Variants in DPYD observed in about 807,000 individuals in gnomAD.
DPYD encodes dihydropyrimidine dehydrogenase [NADP(+)].
DPYD carries 109 observed loss-of-function variants against 116.2 expected under a neutral mutation model. The observed-to-expected ratio is 0.94, with a 90% CI of 0.80 to 1.10. DPYD has a LOEUF of 1.10. Among genes scored for constraint, DPYD ranks in the 50% least tolerant of loss-of-function variants. The probability of loss-of-function intolerance (pLI) is 0.00; values close to 1 mark genes in which losing one functional copy is unlikely to be tolerated. For synonymous variants in DPYD, 440 were observed against 432.0 expected, an observed-to-expected ratio of 1.02 and a Z score of -0.23; for missense variants, 1,302 against 1,254.5, an observed-to-expected ratio of 1.04 and a Z score of -0.57.
At chr1:97,687,224 T>C (rs747760177) in intron 7 of DPYD, among the ~76,000 whole-genome samples, 23 of 152,126 alleles carry the variant, frequency 1.5e-4, no homozygotes, top group East Asian at 3.9e-4. Flanking sequence ...TGAGCCAAGA[T>C]AGTGCCACTG....
At chr1:97,541,890 A>C (rs1650475030) in intron 12 of DPYD, among the ~76,000 whole-genome samples, 1 of 152,208 alleles carries the variant, frequency 6.6e-6, no homozygotes, top group Admixed American at 6.5e-5. Context: ...TGGTAGAAGA[A>C]AATAAATATG....
At chr1:97,323,047 A>G (rs1244156650) in intron 16 of DPYD, 1 of 150,640 alleles carries the variant, frequency 6.6e-6, no homozygotes, top group Non-Finnish European at 1.5e-5. Flanking sequence ...CTCCAATTCA[A>G]TTTTTTTCAA....
At position 97,643,926 on chromosome 1, in the gene DPYD, C is replaced by T. The variant is rs376734973; in HGVS notation, c.850+35169G>A. Among the ~76,000 whole-genome samples the T allele has an allele frequency of 6.6e-5, 10 of 151,862 alleles. No individual in the cohort carries two copies. The East Asian group carries it at 1.9e-3, about 29-fold the overall frequency. ...GGGAGGGGAACATCACACACCAGGGCCTGTCAGGGGTTGGGGGGCTAGGGG... is the reference window on the plus strand; with the variant it reads ...GGGAGGGGAACATCACACACCAGGGTCTGTCAGGGGTTGGGGGGCTAGGGG... On this transcript the variant is annotated intron_variant, in intron 8 of 22. Transcript: ENST00000370192.
intron 19 of DPYD, among the ~76,000 whole-genome samples, chr1:97,194,208 T>C (rs1263933514): frequency 6.6e-6 from 1 of 152,152 alleles, no homozygotes; most frequent in Non-Finnish European, 1.5e-5. Flanking sequence ...GTAGTTCCCA[T>C]AATCCCCACG....
At chr1:97,870,537 C>G (rs1172298038) in intron 2 of DPYD, among the ~76,000 whole-genome samples, 1 of 151,134 alleles carries the variant, frequency 6.6e-6, no homozygotes, top group Non-Finnish European at 1.5e-5. Context: ...CTCTGTGGTC[C>G]CTGATATTCA....
chr1:97,637,955 G>A (rs913406687), intron 8 of DPYD, among the ~76,000 whole-genome samples: 20 of 152,040 alleles, frequency 1.3e-4, no homozygotes, highest in African/African-American at 4.6e-4. Flanking sequence ...AATACGTTGT[G>A]CCCAGCATCA....
At chr1:97,309,901 T>C (rs1667398012) in intron 16 of DPYD, among the ~76,000 whole-genome samples, 1 of 151,772 alleles carries the variant, frequency 6.6e-6, no homozygotes, top group Admixed American at 6.6e-5. Context: ...TGACCCATCC[T>C]GCTGCTTTTG....
intron 16 of DPYD, among the ~76,000 whole-genome samples, chr1:97,367,388 T>C (rs1300226080): frequency 6.6e-6 from 1 of 152,140 alleles, no homozygotes; most frequent in Non-Finnish European, 1.5e-5. Flanking sequence ...GTAATAATCT[T>C]TAAAAATCAA....
intron 16 of DPYD, among the ~76,000 whole-genome samples, chr1:97,367,423 C>T (rs1033368638): frequency 1.3e-5 from 2 of 151,874 alleles, no homozygotes; most frequent in African/African-American, 4.8e-5. Context: ...ACTTTTAAAC[C>T]TTTTATTCTT....
chr1:97,399,555 C>A (rs1386469039), intron 14 of DPYD, among the ~76,000 whole-genome samples: 1 of 152,088 alleles, frequency 6.6e-6, no homozygotes, highest in Non-Finnish European at 1.5e-5. Context: ...GCCATTTTCA[C>A]GATATTTATT....
At chr1:97,109,414 A>G (rs1013648203) in intron 20 of DPYD, among the ~76,000 whole-genome samples, 1 of 152,116 alleles carries the variant, frequency 6.6e-6, no homozygotes, top group African/African-American at 2.4e-5. Flanking sequence ...TACTGCTTTC[A>G]TGGCTAAATG....
chr1:97,456,108 T>C (rs6672633), intron 13 of DPYD, among the ~76,000 whole-genome samples: 5 of 151,886 alleles, frequency 3.3e-5, no homozygotes, highest in African/African-American at 1.2e-4. Flanking sequence ...TCATGACCTA[T>C]ATCCATGGTT....
chr1:97,213,344 A>G (rs1294147380), intron 19 of DPYD, among the ~76,000 whole-genome samples: 1 of 152,190 alleles, frequency 6.6e-6, no homozygotes, highest in Non-Finnish European at 1.5e-5. Context: ...CATACAAGTT[A>G]ACCATGATAA....
At chr1:97,401,773 C>T (rs1156272346) in intron 14 of DPYD, among the ~76,000 whole-genome samples, 1 of 152,054 alleles carries the variant, frequency 6.6e-6, no homozygotes, top group Non-Finnish European at 1.5e-5. Context: ...TTGTGCTTTA[C>T]ATTTAGATGT....
intron 5 of DPYD, among the ~76,000 whole-genome samples, chr1:97,716,921 ATTT>A (rs1408765016): frequency 1.3e-5 from 2 of 151,970 alleles, no homozygotes; most frequent in Non-Finnish European, 2.9e-5. Context: ...AAAAAATTCA[ATTT>A]TTTATTTTTT....
chr1:97,200,062 T>C (rs1403414919), intron 19 of DPYD, among the ~76,000 whole-genome samples: 1 of 152,220 alleles, frequency 6.6e-6, no homozygotes, highest in Non-Finnish European at 1.5e-5. Flanking sequence ...AGAAGAGTTC[T>C]ACAAAAGCAG....
At chr1:97,654,716 A>C (rs998516873) in intron 8 of DPYD, among the ~76,000 whole-genome samples, 3 of 152,172 alleles carry the variant, frequency 2.0e-5, no homozygotes, top group Non-Finnish European at 4.4e-5. Context: ...ATAATTAAAA[A>C]TAACGTGAAA....
At chr1:97,892,267 G>C (rs1471655051) in intron 1 of DPYD, among the ~76,000 whole-genome samples, 1 of 151,684 alleles carries the variant, frequency 6.6e-6, no homozygotes, top group Non-Finnish European at 1.5e-5. Context: ...GCCTTATCCA[G>C]GTAACAATCT....
chr1:97,880,633 T>A (rs1672163610), intron 2 of DPYD, among the ~76,000 whole-genome samples: 1 of 152,068 alleles, frequency 6.6e-6, no homozygotes, highest in East Asian at 1.9e-4. Context: ...TTAACATAGA[T>A]CTAAAGCTTT....
Sources: allele counts gnomAD v4.1 joint callset (sites outside exome capture counted in the v4.1 genomes callset), GRCh38; gene constraint gnomAD v4.1.1; transcripts MANE v1.5; gene names NCBI Gene and HGNC (gene_info 2026-07-23, HGNC 2026-07-21).